Variants in STT3B observed in about 807,000 individuals in gnomAD.
STT3B encodes STT3 oligosaccharyltransferase complex catalytic subunit B.
STT3B carries 29 observed loss-of-function variants against 96.8 expected under a neutral mutation model. The ratio of observed to expected loss-of-function variants is 0.30; its 90% CI spans 0.22 to 0.41. STT3B has a LOEUF of 0.41. Ranked by LOEUF, STT3B falls within the 10% of genes least tolerant of loss-of-function variation. The pLI, the probability that STT3B is intolerant of heterozygous loss-of-function variation, is 1.00. For missense variants in STT3B, 640 were observed against 1,022.3 expected (o/e 0.63, Z 5.10); for synonymous variants, 367 against 360.0 (o/e 1.02, Z -0.22).
chr3:31,562,126 T>C (rs1697894511), intron 1 of STT3B, among the ~76,000 whole-genome samples: 3 of 152,168 alleles, frequency 2.0e-5, no homozygotes, highest in Non-Finnish European at 4.4e-5. Context: ...CCAGGTGGCC[T>C]GCTTAGGTGC....
intron 8 of STT3B, among the ~76,000 whole-genome samples, chr3:31,618,295 TTTTCATCTTTAGTA>T (rs1699354056): frequency 1.1e-5 from 1 of 87,296 alleles, no homozygotes; most frequent in Admixed American, 1.2e-4. Context: ...TTTTATAACA[TTTTCATCTTTAGTA>T]ATAATTTTTT....
intron 1 of STT3B, among the ~76,000 whole-genome samples, chr3:31,557,987 CATATA>C (rs1697765052): frequency 6.6e-6 from 1 of 152,168 alleles, no homozygotes; most frequent in Non-Finnish European, 1.5e-5. Flanking sequence ...TTGTCATTGA[CATATA>C]AAAATGAATC....
chr3:31,572,402 A>G (rs941844024), intron 1 of STT3B, among the ~76,000 whole-genome samples: 3 of 151,592 alleles, frequency 2.0e-5, no homozygotes, highest in Non-Finnish European at 2.9e-5. Context: ...AATTTTTGCA[A>G]TTTTGTGAAC....
intron 3 of STT3B, among the ~76,000 whole-genome samples, chr3:31,590,166 G>C (rs1369800408): frequency 6.6e-6 from 1 of 151,778 alleles, no homozygotes; most frequent in South Asian, 2.1e-4. Flanking sequence ...TTGGATTTCT[G>C]TACAATCTGT....
At chr3:31,570,120 AAGT>A (rs1698103333) in intron 1 of STT3B, among the ~76,000 whole-genome samples, 1 of 152,158 alleles carries the variant, frequency 6.6e-6, no homozygotes, top group African/African-American at 2.4e-5. Flanking sequence ...AAAAATATGT[AAGT>A]AGGGCATGCC....
chr3:31,562,090 C>G (rs1032581938), intron 1 of STT3B, among the ~76,000 whole-genome samples: 1 of 152,078 alleles, frequency 6.6e-6, no homozygotes, highest in African/African-American at 2.4e-5. Flanking sequence ...TGACAGCGTT[C>G]GTGCATCCAG....
chr3:31,612,945 A>G (rs1478515508), intron 5 of STT3B, among the ~76,000 whole-genome samples: 2 of 152,150 alleles, frequency 1.3e-5, no homozygotes, highest in Non-Finnish European at 2.9e-5. Flanking sequence ...TAGGGTGGAA[A>G]CTTTTTCACT....
intron 5 of STT3B, among the ~76,000 whole-genome samples, chr3:31,610,078 C>T (rs1699148212): frequency 6.6e-6 from 1 of 152,128 alleles, no homozygotes; most frequent in South Asian, 2.1e-4. Context: ...TATTTCTCTG[C>T]TGGTCAAGAA....
At chr3:31,634,892 C>G (rs1699729687) in intron 15 of STT3B, among the ~76,000 whole-genome samples, 1 of 152,118 alleles carries the variant, frequency 6.6e-6, no homozygotes, top group Non-Finnish European at 1.5e-5. Flanking sequence ...AAGTTTCTTA[C>G]TTTGTGCCTT....
At chr3:31,600,087 A>G (rs1025259548) in intron 4 of STT3B, among the ~76,000 whole-genome samples, 2 of 152,184 alleles carry the variant, frequency 1.3e-5, no homozygotes, top group Non-Finnish European at 2.9e-5. Flanking sequence ...CACAAATTAT[A>G]ATACTCTCAG....
intron 1 of STT3B, among the ~76,000 whole-genome samples, chr3:31,560,656 T>C (rs982147610): frequency 9.2e-5 from 14 of 152,106 alleles, no homozygotes; most frequent in Non-Finnish European, 1.9e-4. Context: ...GTGACTAGAC[T>C]CTTTTCTCTT....
rs549973014 is a variant in STT3B at position 31,594,245 on chromosome 3, C to T, written c.712-2553C>T. Among the ~76,000 whole-genome samples, 8 of 152,270 alleles carry T rather than the reference C, an allele frequency of 5.3e-5. No homozygotes were observed. The East Asian group carries it at 5.8e-4, about 11-fold the overall frequency. On this transcript the variant is annotated intron_variant, in intron 3 of 15. Transcript: ENST00000295770. Reference sequence around the variant, plus strand: ...CACTGCCAAGCAGTTAATTCTGCTGCGGACACCAGCTGGTGTCCTCCCTAT... The same window carrying T: ...CACTGCCAAGCAGTTAATTCTGCTGTGGACACCAGCTGGTGTCCTCCCTAT...
chr3:31,571,876 T>C (rs929737202), intron 1 of STT3B, among the ~76,000 whole-genome samples: 13 of 150,022 alleles, frequency 8.7e-5, no homozygotes, highest in South Asian at 4.2e-4. Context: ...TAACATAAGT[T>C]CATGATATGT....
chr3:31,636,323 T>C lies in STT3B; in HGVS notation c.*259T>C, dbSNP rs888096509. 2 of 292,758 alleles carry C rather than the reference T, an allele frequency of 6.8e-6. No individual in the cohort carries two copies. The highest frequency in any genetic ancestry group is 2.2e-5 in the African/African-American group (1 of 46,202). The allele number at this position is 292,758 out of a possible 1,614,324, so 18.1% of individuals were successfully genotyped here. On this transcript the variant is annotated 3_prime_UTR_variant, in exon 16 of 16. Transcript: ENST00000295770. ...CAGATTTTTTTTTTATTGGTACATA[T>C]TATCCTTCAAATCTGAGAATTTGGA... is the stretch of plus-strand genomic sequence containing the variant.
At chr3:31,578,401 A>G (rs1698304658) in intron 2 of STT3B, among the ~76,000 whole-genome samples, 1 of 151,844 alleles carries the variant, frequency 6.6e-6, no homozygotes, top group African/African-American at 2.4e-5. Context: ...GAGCTTGATT[A>G]TGCTTTTTTT....
chr3:31,604,185 A>G (rs910637174), intron 5 of STT3B, among the ~76,000 whole-genome samples: 2 of 152,104 alleles, frequency 1.3e-5, no homozygotes, highest in African/African-American at 2.4e-5. Context: ...TCTAAAATGT[A>G]TTTTTTAGAT....
chr3:31,595,315 A>G lies in STT3B; in HGVS notation c.712-1483A>G, dbSNP rs137901425. Among the ~76,000 whole-genome samples the G allele has an allele frequency of 2.6e-3, 391 of 152,354 alleles. 3 individuals are homozygous for G. The highest frequency in any genetic ancestry group is 9.1e-3 in the African/African-American group (377 of 41,582). On this transcript the variant is annotated intron_variant, in intron 3 of 15. Coordinates refer to ENST00000295770, the MANE Select transcript of STT3B (RefSeq NM_178862.3). ...ACGAACTGTGGATGAAAGTCCATAT[A>G]TCATAATACCATACTTACAAAGTCC...
chr3:31,611,695 C>T (rs1412603514), intron 5 of STT3B, among the ~76,000 whole-genome samples: 1 of 152,070 alleles, frequency 6.6e-6, no homozygotes, highest in Non-Finnish European at 1.5e-5. Flanking sequence ...CGGGGTTTCT[C>T]CATGTTGGTC....
intron 5 of STT3B, among the ~76,000 whole-genome samples, chr3:31,609,504 T>G (rs1699136156): frequency 6.6e-6 from 1 of 152,236 alleles, no homozygotes; most frequent in South Asian, 2.1e-4. Flanking sequence ...GGGTAGAACT[T>G]AAACCAAGAT....
Sources: allele counts gnomAD v4.1 joint callset (sites outside exome capture counted in the v4.1 genomes callset), GRCh38; gene constraint gnomAD v4.1.1; transcripts MANE v1.5; gene names NCBI Gene and HGNC (gene_info 2026-07-23, HGNC 2026-07-21).